Variants in RPS6KC1 observed in about 807,000 individuals in gnomAD.
RPS6KC1 encodes the protein inactive ribosomal protein S6 kinase delta-1.
Under a neutral mutation model 103.8 loss-of-function variants are expected in RPS6KC1, and 54 were observed. The ratio of observed to expected loss-of-function variants is 0.52; its 90% CI spans 0.42 to 0.65. RPS6KC1 has a LOEUF of 0.65. Ranked by LOEUF, RPS6KC1 falls within the 30% of genes least tolerant of loss-of-function variation. The probability of loss-of-function intolerance (pLI) is 0.00; values close to 1 mark genes in which losing one functional copy is unlikely to be tolerated. For synonymous variants in RPS6KC1, 439 were observed against 438.7 expected (o/e 1.00, Z -0.01); for missense variants, 1,151 against 1,253.8 (o/e 0.92, Z 1.24).
At chr1:213,608,201 G>A in the RPS6KC1 span, among the ~76,000 whole-genome samples, 153 of 152,294 alleles carry the variant, frequency 1.0e-3, no homozygotes, top group Admixed American at 1.8e-3. Flanking sequence ...GGTGGAGCCT[G>A]GGAAGGGAGG....
At chr1:213,187,443 A>G (rs985941005) in intron 8 of RPS6KC1, among the ~76,000 whole-genome samples, 4 of 151,396 alleles carry the variant, frequency 2.6e-5, no homozygotes, top group African/African-American at 9.7e-5. Context: ...ACGGGGTTTC[A>G]CCATGTTGGC....
chr1:213,455,478 T>A, the RPS6KC1 span, among the ~76,000 whole-genome samples: 1 of 152,132 alleles, frequency 6.6e-6, no homozygotes, highest in East Asian at 1.9e-4. Context: ...AGGTACTGAG[T>A]TCTGTCTGGA....
chr1:213,380,096 T>C, the RPS6KC1 span, among the ~76,000 whole-genome samples: 4 of 152,164 alleles, frequency 2.6e-5, no homozygotes, highest in African/African-American at 9.7e-5. Flanking sequence ...AGTGGTAGAC[T>C]GGATAAAGAA....
At chr1:213,581,408 A>C in the RPS6KC1 span, among the ~76,000 whole-genome samples, 2 of 152,008 alleles carry the variant, frequency 1.3e-5, no homozygotes, top group Non-Finnish European at 2.9e-5. Flanking sequence ...TCTCTTCTGG[A>C]GTTGAAAATT....
the RPS6KC1 span, among the ~76,000 whole-genome samples, chr1:213,609,228 A>G: frequency 6.6e-6 from 1 of 152,226 alleles, no homozygotes; most frequent in Non-Finnish European, 1.5e-5. Context: ...TGTTAAATGA[A>G]ATACTTTCTA....
At chr1:213,396,399 G>A in the RPS6KC1 span, among the ~76,000 whole-genome samples, 19 of 152,302 alleles carry the variant, frequency 1.2e-4, no homozygotes, top group African/African-American at 3.6e-4. Flanking sequence ...CCTAAGACCA[G>A]AGACTGCATC....
At chr1:213,480,702 A>G in the RPS6KC1 span, among the ~76,000 whole-genome samples, 26 of 152,198 alleles carry the variant, frequency 1.7e-4, no homozygotes, top group African/African-American at 5.5e-4. Flanking sequence ...ATGCTTTTCT[A>G]TTAAAGTCAG....
At chr1:213,804,239 A>G in the RPS6KC1 span, among the ~76,000 whole-genome samples, 3 of 150,330 alleles carry the variant, frequency 2.0e-5, no homozygotes, top group South Asian at 6.4e-4. Context: ...CCAATGCTCC[A>G]GAGAACACAA....
chr1:213,742,117 C>T, the RPS6KC1 span, among the ~76,000 whole-genome samples: 1 of 152,236 alleles, frequency 6.6e-6, no homozygotes, highest in South Asian at 2.1e-4. Context: ...ATGTTCTCCA[C>T]GAGTGCTCCT....
the RPS6KC1 span, among the ~76,000 whole-genome samples, chr1:213,348,707 A>G: frequency 6.6e-6 from 1 of 152,194 alleles, no homozygotes; most frequent in African/African-American, 2.4e-5. Context: ...ACATTCTTAA[A>G]TGACATGGCA....
the RPS6KC1 span, among the ~76,000 whole-genome samples, chr1:213,315,377 C>T: frequency 1.3e-5 from 2 of 152,162 alleles, no homozygotes; most frequent in Admixed American, 1.3e-4. Context: ...GGTCAATCTC[C>T]TGGCAAAAAT....
chr1:213,107,202 A>G (rs764929203), intron 4 of RPS6KC1, among the ~76,000 whole-genome samples: 2 of 152,104 alleles, frequency 1.3e-5, no homozygotes, highest in African/African-American at 2.4e-5. Context: ...TCAGCCTCCC[A>G]AAGTGCTGGG....
At chr1:213,602,102 TTCTTTCTTTCTTTCTTTC>T in the RPS6KC1 span, among the ~76,000 whole-genome samples, 28 of 22,970 alleles carry the variant, frequency 1.2e-3, no homozygotes, top group South Asian at 1.9e-3. Flanking sequence ...CTTTCTTTCT[TTCTTTCTTTCTTTCTTTC>T]TCTTTCTTTC....
the RPS6KC1 span, among the ~76,000 whole-genome samples, chr1:213,757,650 C>G: frequency 6.6e-6 from 1 of 152,180 alleles, no homozygotes; most frequent in African/African-American, 2.4e-5. Flanking sequence ...GAAGATCTAG[C>G]TAGGATAAAT....
chr1:213,835,955 A>G, the RPS6KC1 span: 1 of 152,012 alleles, frequency 6.6e-6, no homozygotes. Flanking sequence ...CAGGTTCCTC[A>G]TTCAAAATCA....
chr1:213,114,765 G>A (rs1022041886), intron 4 of RPS6KC1, among the ~76,000 whole-genome samples: 7 of 152,104 alleles, frequency 4.6e-5, no homozygotes, highest in Admixed American at 6.6e-5. Context: ...AGCACGAAGG[G>A]TTGTTGAATT....
the RPS6KC1 span, among the ~76,000 whole-genome samples, chr1:213,671,269 G>T: frequency 1.3e-5 from 2 of 152,114 alleles, no homozygotes; most frequent in African/African-American, 4.8e-5. Flanking sequence ...ACTAAGCCAG[G>T]CACAAAGAGA....
chr1:213,511,915 C>G, the RPS6KC1 span, among the ~76,000 whole-genome samples: 2 of 152,182 alleles, frequency 1.3e-5, no homozygotes, highest in African/African-American at 4.8e-5. Context: ...CTAACATAAG[C>G]TCCATAAATG....
chr1:213,145,128 A>G (rs1048957163), intron 6 of RPS6KC1, among the ~76,000 whole-genome samples: 4 of 152,176 alleles, frequency 2.6e-5, no homozygotes, highest in Non-Finnish European at 2.9e-5. Flanking sequence ...TTCCTGAAGC[A>G]ACTAAAAATA....
Sources: allele counts gnomAD v4.1 joint callset (sites outside exome capture counted in the v4.1 genomes callset), GRCh38; gene constraint gnomAD v4.1.1; transcripts MANE v1.5; gene names NCBI Gene and HGNC (gene_info 2026-07-23, HGNC 2026-07-21).